TECTB: variants seen among roughly 807,000 people sequenced by gnomAD.
The protein encoded by TECTB is tectorin beta, also known as beta-tectorin.
TECTB carries 45 observed loss-of-function variants against 43.3 expected under a neutral mutation model. The observed-to-expected ratio is 1.04, with a 90% CI of 0.82 to 1.33. The LOEUF is 1.33. Among genes scored for constraint, TECTB ranks in the 40% most tolerant of loss-of-function variants. The pLI is 0.00. For synonymous variants in TECTB, 169 were observed against 156.7 expected (o/e 1.08, Z -0.59); for missense variants, 399 against 404.7 (o/e 0.99, Z 0.12).
chr10:112,293,159 T>C (rs1926559), intron 5 of TECTB, among the ~76,000 whole-genome samples: 14,505 of 152,306 alleles, frequency 0.095, 865 homozygotes, highest in South Asian at 0.23. Context: ...TGCCAGATCA[T>C]TGAAGGCAGA....
At chr10:112,284,026 G>GCTTGCTCTATTTCACTCT (rs1848434532) in intron 2 of TECTB, among the ~76,000 whole-genome samples, 1 of 151,932 alleles carries the variant, frequency 6.6e-6, no homozygotes, top group Non-Finnish European at 1.5e-5. Context: ...ATTAGAGAAT[G>GCTTGCTCTATTTCACTCT]CTTGCTCTAT....
chr10:112,305,033 A>T lies in TECTB; in HGVS notation c.*1721A>T, dbSNP rs994211657. On this transcript the variant is annotated 3_prime_UTR_variant, in exon 11 of 11. Transcript: ENST00000646139. ...TGGAATAAATAAAATGCCTTAAAAT[A>T]AATAACCTATGACTACAGTTTACAG... 1 of 152,192 alleles carries T rather than the reference A, an allele frequency of 6.6e-6. No individual in the cohort carries two copies. The highest frequency in any genetic ancestry group is 1.5e-5 in the Non-Finnish European group (1 of 68,042). 9.4% of individuals were successfully genotyped at this position (152,192 alleles called of 1,614,324 possible).
At chr10:112,284,016 A>T (rs943026089) in intron 2 of TECTB, among the ~76,000 whole-genome samples, 1 of 151,996 alleles carries the variant, frequency 6.6e-6, no homozygotes, top group Non-Finnish European at 1.5e-5. Flanking sequence ...TTTTTTTTTA[A>T]TTAGAGAATG....
Position 112,286,316 on chromosome 10 carries a change from C to G in TECTB, c.411-3C>G, listed in dbSNP as rs534454737. On this transcript the variant is annotated splice_region_variant and splice_polypyrimidine_tract_variant and intron_variant, in intron 4 of 10. Coordinates refer to ENST00000646139, the MANE Select transcript of TECTB (RefSeq NM_058222.3). Reference sequence around the variant, plus strand: ...CTTATGCAAAATTCTCTCCCCTTTTCAGAGTGGCCACTGTTCACGTGAAGA... The same window carrying G: ...CTTATGCAAAATTCTCTCCCCTTTTGAGAGTGGCCACTGTTCACGTGAAGA... 7 of 1,611,906 alleles carry G rather than the reference C, an allele frequency of 4.3e-6. No individual in the cohort carries two copies. The African/African-American group carries it at 8.0e-5, about 18-fold the overall frequency.
intron 6 of TECTB, 29 bp downstream of exon 6, chr10:112,293,870 T>C (rs1043884843): frequency 1.2e-6 from 2 of 1,610,294 alleles, no homozygotes; most frequent in Non-Finnish European, 1.7e-6. Flanking sequence ...AGTTTATATG[T>C]TTAAATGCAA....
At chr10:112,292,641 G>A (rs556238143) in intron 5 of TECTB, among the ~76,000 whole-genome samples, 3 of 151,958 alleles carry the variant, frequency 2.0e-5, no homozygotes, top group Non-Finnish European at 2.9e-5. Flanking sequence ...ACAGGGTTTC[G>A]TCATGTTGGC....
rs761564914 is a variant in TECTB at position 112,294,055 on chromosome 10, A to T, written c.665A>T (p.Asn222Ile). Reference sequence around the variant, plus strand: ...TATCCCTTGCAGTGGCAGCTGATCAACAAGGGGTAGGTACACTATCTAGAG... The same window carrying T: ...TATCCCTTGCAGTGGCAGCTGATCATCAAGGGGTAGGTACACTATCTAGAG... ...FMYPLQWQLINKGCPTDETVL... is the reference protein window; with the variant it reads ...FMYPLQWQLIIKGCPTDETVL... The change falls in exon 7 of 11, where the codon AAC becomes ATC. Residue 222 changes from asparagine to isoleucine, a missense_variant. By Grantham distance (149) the Asn-to-Ile change is moderately radical. Coordinates refer to ENST00000646139, the MANE Select transcript of TECTB (RefSeq NM_058222.3). 3.1e-6 allele frequency: 5 copies of T among 1,613,926 alleles called. No homozygotes were observed. The highest frequency in any genetic ancestry group is 1.3e-5 in the African/African-American group (1 of 74,932).
rs1311557348 is a variant in TECTB at position 112,304,872 on chromosome 10, G to A, written c.*1560G>A. ...GAAAAACAGAAGACATATTTTATTG[G>A]TTCTAGTAGAAAACTCTTAAATAGC... On this transcript the variant is annotated 3_prime_UTR_variant, in exon 11 of 11. Transcript: ENST00000646139. 1 of 152,072 alleles carries A rather than the reference G, an allele frequency of 6.6e-6. No homozygotes were observed. Among genetic ancestry groups the A allele is most frequent in the East Asian group, 1.9e-4 (1 of 5,188 alleles). 9.4% of individuals were successfully genotyped at this position (152,072 alleles called of 1,614,324 possible). A position where few individuals can be genotyped will look rare whatever the true frequency, so the allele number is the denominator to read the frequency against.
chr10:112,303,532 A>G lies in TECTB; in HGVS notation c.*220A>G, dbSNP rs903433961. The G allele has an allele frequency of 5.2e-6, 3 of 582,158 alleles. No homozygotes were observed. The highest frequency in any genetic ancestry group is 9.1e-6 in the Non-Finnish European group (3 of 328,180). The allele number at this position is 582,158 out of a possible 1,614,324, so 36.1% of individuals were successfully genotyped here. A position where few individuals can be genotyped will look rare whatever the true frequency, so the allele number is the denominator to read the frequency against. On this transcript the variant is annotated 3_prime_UTR_variant, in exon 11 of 11. Transcript: ENST00000646139. ...CTACTTCCCGTGGCCCTTAGATCTC[A>G]CAGTCCTTCTACAGCTGGGGGAGGA...
Position 112,298,944 on chromosome 10 carries a change from A to G in TECTB, c.835-548A>G, listed in dbSNP as rs542121632. Among the ~76,000 whole-genome samples the G allele has an allele frequency of 5.3e-5, 8 of 152,344 alleles. No individual in the cohort carries two copies. The East Asian group carries it at 1.3e-3, about 26-fold the overall frequency. ...ATAGCCTATAGTAACCAACAAAAAT[A>G]AGGTCATAATCTCTATTGCTGTTGT... On this transcript the variant is annotated intron_variant, in intron 8 of 10. Coordinates refer to ENST00000646139, the MANE Select transcript of TECTB (RefSeq NM_058222.3).
intron 5 of TECTB, among the ~76,000 whole-genome samples, chr10:112,288,065 G>A (rs79984997): frequency 0.015 from 2,324 of 152,312 alleles, 25 homozygotes; most frequent in South Asian, 0.038. Context: ...AAAGCCGTCC[G>A]GAGAGGAAAA....
Position 112,294,080 on chromosome 10 carries a change from G to A in TECTB, c.671+19G>A. 1.2e-6 allele frequency: 2 copies of A among 1,609,628 alleles called. No individual in the cohort carries two copies. The highest frequency in any genetic ancestry group is 1.3e-5 in the African/African-American group (1 of 74,948). On this transcript the variant is annotated intron_variant, in intron 7 of 10. Coordinates refer to ENST00000646139, the MANE Select transcript of TECTB (RefSeq NM_058222.3). ...ACAAGGGGTAGGTACACTATCTAGA[G>A]ACAGGGCTGAACAGTGGAACCAGGC...
chr10:112,283,607 C>A, intron 1 of TECTB, 41 bp from the exon 2 acceptor site: 1 of 809,068 alleles, frequency 1.2e-6, no homozygotes, highest in South Asian at 1.8e-5. Flanking sequence ...CGGCTTTGTT[C>A]TTCCCTTGAT....
chr10:112,283,722 G>T lies in TECTB; in HGVS notation c.-13G>T, dbSNP rs777262565. ...GGTTTGGATACCTGGCAGAGACCAGGTTCTGAGAAGCAATGGTGACGAAGG... is the reference window on the plus strand; with the variant it reads ...GGTTTGGATACCTGGCAGAGACCAGTTTCTGAGAAGCAATGGTGACGAAGG... On this transcript the variant is annotated 5_prime_UTR_variant, in exon 2 of 11. Transcript: ENST00000646139. 3.1e-6 allele frequency: 5 copies of T among 1,613,662 alleles called. No individual in the cohort carries two copies. The South Asian group carries it at 5.5e-5, about 18-fold the overall frequency.
Position 112,294,135 on chromosome 10 carries a change from G to A in TECTB, c.671+74G>A, listed in dbSNP as rs1848525464. ...ATCGGGCTACTTTGCTCTGGCTTGG[G>A]AAAGCTTGGGAGGAAGAGGTGAAGC... On this transcript the variant is annotated intron_variant, in intron 7 of 10. Coordinates refer to ENST00000646139, the MANE Select transcript of TECTB (RefSeq NM_058222.3). The A allele has an allele frequency of 3.8e-5, 53 of 1,392,338 alleles. 1 individual carries two copies. The South Asian group carries it at 6.1e-4, about 16-fold the overall frequency. The allele number at this position is 1,392,338 out of a possible 1,614,324, so 86.2% of individuals were successfully genotyped here. A position where few individuals can be genotyped will look rare whatever the true frequency, so the allele number is the denominator to read the frequency against.
At position 112,286,332 on chromosome 10, in the gene TECTB, C is replaced by G. The variant is rs369410416; in HGVS notation, c.424C>G (p.His142Asp). 1.2e-5 allele frequency: 19 copies of G among 1,612,192 alleles called. No individual in the cohort carries two copies. The highest frequency in any genetic ancestry group is 1.5e-5 in the Non-Finnish European group (18 of 1,178,352). ...TCCCCTTTTCAGAGTGGCCACTGTT[C>G]ACGTGAAGAACGGGAGCATGGGCAC... ...AAFDQRVATV[H>D]VKNGSMGTFE... The change falls in exon 5 of 11, where the codon CAC becomes GAC. Residue 142 changes from histidine to aspartate, a missense_variant. His to Asp is a moderately conservative substitution (Grantham distance 81). Coordinates refer to ENST00000646139, the MANE Select transcript of TECTB (RefSeq NM_058222.3).
At chr10:112,301,049 G>A (rs537892534) in intron 9 of TECTB, among the ~76,000 whole-genome samples, 2 of 152,362 alleles carry the variant, frequency 1.3e-5, no homozygotes, top group East Asian at 1.9e-4. Context: ...TGTGGCCTGG[G>A]AATTAAGAAC....
chr10:112,294,772 A>T (rs1450842587), intron 7 of TECTB, among the ~76,000 whole-genome samples: 1 of 152,216 alleles, frequency 6.6e-6, no homozygotes, highest in African/African-American at 2.4e-5. Flanking sequence ...TATTGTAGCC[A>T]AGTGAATGGA....
At chr10:112,302,320 C>T (rs2133360137) in intron 10 of TECTB, 187 bp downstream of exon 10, 1 of 573,108 alleles carries the variant, frequency 1.7e-6, no homozygotes, top group East Asian at 3.1e-5. Context: ...CCCCTGAACT[C>T]TGAAGAGAGG....
Sources: gnomAD v4.1 joint callset for allele counts (sites outside exome capture counted in the v4.1 genomes callset) on GRCh38, gnomAD v4.1.1 for gene constraint, MANE v1.5 for transcripts, NCBI Gene and HGNC (gene_info 2026-07-23, HGNC 2026-07-21) for gene names.